The following IREB2 variants were observed in gnomAD, a reference collection of about 807,000 sequenced individuals.
IREB2 encodes iron responsive element binding protein 2.
IREB2 carries 39 observed loss-of-function variants against 118.8 expected under a neutral mutation model. The observed-to-expected ratio is 0.33, with a 90% CI of 0.25 to 0.43. The LOEUF (loss-of-function observed/expected upper bound fraction) is 0.43. IREB2 is among the 20% of genes least tolerant of loss of function. The pLI, the probability that IREB2 is intolerant of heterozygous loss-of-function variation, is 1.00. For missense variants in IREB2, 900 were observed against 1,147.3 expected, an observed-to-expected ratio of 0.78 and a Z score of 3.11; for synonymous variants, 372 against 392.2, an observed-to-expected ratio of 0.95 and a Z score of 0.61.
intron 10 of IREB2, chr15:78,480,270 A>G (rs2051543800): frequency 6.6e-6 from 1 of 152,198 alleles, no homozygotes; most frequent in African/African-American, 2.4e-5. Context: ...CCTCTATTAG[A>G]TCTAGTGCTT....
intron 2 of IREB2, among the ~76,000 whole-genome samples, chr15:78,454,934 CT>C (rs1311400436): frequency 6.6e-5 from 10 of 152,206 alleles, no homozygotes; most frequent in Non-Finnish European, 1.5e-4. Context: ...AAGTGATCCT[CT>C]TACCTTGGCC....
chr15:78,478,122 T>A (rs966784009), intron 9 of IREB2, among the ~76,000 whole-genome samples, 175 bp from the exon 10 acceptor site: 27 of 150,532 alleles, frequency 1.8e-4, no homozygotes, highest in African/African-American at 6.6e-4. Context: ...GGTGGGGTGC[T>A]ACTTGGGAGG....
At chr15:78,469,072 C>T (rs17484235) in intron 5 of IREB2, among the ~76,000 whole-genome samples, 9 of 151,902 alleles carry the variant, frequency 5.9e-5, no homozygotes, top group African/African-American at 2.2e-4. Flanking sequence ...ATTTTGACTC[C>T]GAATTACAAA....
chr15:78,439,806 G>A lies in IREB2; in HGVS notation c.31G>A (p.Glu11Lys). Residue 11 changes from glutamate (E) to lysine (K), a missense_variant, in exon 2 of 22, where the codon GAG becomes AAG. Physicochemically the swap from Glu to Lys is moderately conservative, Grantham distance 56. Transcript: ENST00000258886. ...AATTTTTTTTTCAGGATACGCCTTT[G>A]AGTACCTTATTGAAACATTAAATGA... MDAPKAGYAF[E>K]YLIETLNDSS... 6.3e-7 allele frequency: 1 copy of A among 1,586,542 alleles called. No homozygotes were observed. The highest frequency in any genetic ancestry group is 8.6e-7 in the Non-Finnish European group (1 of 1,163,596).
chr15:78,460,921 A>G (rs916470223), intron 2 of IREB2, among the ~76,000 whole-genome samples: 8 of 152,222 alleles, frequency 5.3e-5, no homozygotes, highest in Non-Finnish European at 7.3e-5. Context: ...GTCATCCACA[A>G]TCATAAGCAG....
intron 7 of IREB2, 92 bp from the exon 8 acceptor site, chr15:78,473,150 A>G: frequency 1.6e-6 from 2 of 1,234,438 alleles, no homozygotes; most frequent in Non-Finnish European, 2.3e-6. Flanking sequence ...ACTGTGTAAG[A>G]TAAGCTCATG....
In IREB2 at chr15:78,500,538, C is replaced by CAAAA. The variant is rs59011037; in HGVS notation, c.*2411_*2414dup. On this transcript the variant is annotated 3_prime_UTR_variant, in exon 22 of 22. Transcript: ENST00000258886. ...TATACCTTGGGTAATTTTGTGTTAC[C>CAAAA]AAAAAAAAAAAAAAAAAAAGGAAGT... The CAAAA allele has an allele frequency of 1.4e-4, 16 of 117,342 alleles. No homozygotes were observed. Among genetic ancestry groups the CAAAA allele is most frequent in the African/African-American group, 5.5e-4 (16 of 29,132 alleles). The allele number at this position is 117,342 out of a possible 1,614,324, so 7.3% of individuals were successfully genotyped here.
intron 2 of IREB2, among the ~76,000 whole-genome samples, chr15:78,446,670 C>T (rs1356573139): frequency 6.6e-6 from 1 of 152,166 alleles, no homozygotes; most frequent in African/African-American, 2.4e-5. Flanking sequence ...AGTTCAGTCT[C>T]TCTGTGTCCT....
chr15:78,449,093 T>A (rs556625948), intron 2 of IREB2, among the ~76,000 whole-genome samples: 44 of 152,316 alleles, frequency 2.9e-4, no homozygotes, highest in Middle Eastern at 6.8e-3. Flanking sequence ...TTGCCTAAGG[T>A]CACAACATAT....
chr15:78,482,012 C>T (rs2051582423), intron 10 of IREB2, among the ~76,000 whole-genome samples: 1 of 152,080 alleles, frequency 6.6e-6, no homozygotes, highest in African/African-American at 2.4e-5. Flanking sequence ...GAGGCTGAGG[C>T]GGGAGGATTG....
intron 2 of IREB2, among the ~76,000 whole-genome samples, chr15:78,445,136 A>AT (rs200250924): frequency 0.015 from 1,877 of 123,436 alleles, 30 homozygotes; most frequent in Non-Finnish European, 0.021. Context: ...TCCAGTCTTT[A>AT]TTTTTTTTTT....
intron 13 of IREB2, 46 bp downstream of exon 13, chr15:78,485,886 G>A: frequency 6.6e-7 from 1 of 1,525,334 alleles, no homozygotes; most frequent in Non-Finnish European, 9.0e-7. Flanking sequence ...GTGTTCAGTA[G>A]GTACTGAAGC....
At chr15:78,477,600 G>C (rs1208653660) in intron 9 of IREB2, among the ~76,000 whole-genome samples, 2 of 152,138 alleles carry the variant, frequency 1.3e-5, no homozygotes, top group African/African-American at 4.8e-5. Flanking sequence ...CTGGAATTCA[G>C]TATCCTTACC....
At chr15:78,444,578 C>A (rs1256932064) in intron 2 of IREB2, among the ~76,000 whole-genome samples, 2 of 152,116 alleles carry the variant, frequency 1.3e-5, no homozygotes, top group East Asian at 3.8e-4. Flanking sequence ...TCCTACCTTG[C>A]AGCCTTTGGA....
chr15:78,461,574 T>G (rs2051197465), intron 2 of IREB2, among the ~76,000 whole-genome samples: 2 of 152,212 alleles, frequency 1.3e-5, no homozygotes, highest in Non-Finnish European at 2.9e-5. Flanking sequence ...CACACAACAG[T>G]ATTAACTAAA....
chr15:78,458,565 G>T (rs534685447), intron 2 of IREB2, among the ~76,000 whole-genome samples: 1 of 151,924 alleles, frequency 6.6e-6, no homozygotes, highest in Non-Finnish European at 1.5e-5. Context: ...ATGAGCCACC[G>T]TTCCCAGCTG....
chr15:78,440,228 TCCTC>T (rs2050824487), intron 2 of IREB2, among the ~76,000 whole-genome samples: 1 of 152,156 alleles, frequency 6.6e-6, no homozygotes, highest in South Asian at 2.1e-4. Flanking sequence ...GCCCAAATAA[TCCTC>T]CCACCTCTGC....
intron 10 of IREB2, chr15:78,481,837 C>T (rs2051579338): frequency 6.6e-6 from 1 of 152,126 alleles, no homozygotes; most frequent in African/African-American, 2.4e-5. Flanking sequence ...AAAAAACAAA[C>T]CTGACCATGT....
chr15:78,474,470 T>C (rs755796433), intron 8 of IREB2: 1 of 152,224 alleles, frequency 6.6e-6, no homozygotes, highest in African/African-American at 2.4e-5. Context: ...AGTATCCCAT[T>C]ATGTTTTTAC....
Sources: gnomAD v4.1 joint callset for allele counts (sites outside exome capture counted in the v4.1 genomes callset) on GRCh38, gnomAD v4.1.1 for gene constraint, MANE v1.5 for transcripts, NCBI Gene and HGNC (gene_info 2026-07-23, HGNC 2026-07-21) for gene names.